Variants in KDM2B observed in about 807,000 individuals in gnomAD.
KDM2B encodes lysine demethylase 2B, also known as lysine-specific demethylase 2B.
In KDM2B, 26 loss-of-function variants were observed where a neutral mutation model predicts 150.0. That is an observed-to-expected ratio of 0.17 (90% CI 0.13 to 0.24). The LOEUF (loss-of-function observed/expected upper bound fraction) is 0.24, where lower values mean the gene tolerates loss of function less well. KDM2B is among the 10% of genes least tolerant of loss of function. The pLI, the probability that KDM2B is intolerant of heterozygous loss-of-function variation, is 1.00. For synonymous variants in KDM2B, 734 were observed against 729.5 expected, an observed-to-expected ratio of 1.01 and a Z score of -0.10; for missense variants, 1,265 against 1,816.9, an observed-to-expected ratio of 0.70 and a Z score of 5.52.
Position 121,509,793 on chromosome 12 carries a change from G to A in KDM2B, c.1421C>T (p.Ser474Phe), listed in dbSNP as rs782721730. ...CTTCACACTTTCCTCCGACTCATTA[G>A]ACAAAGTCCTTTTGAGGAATCGCAG... ...PALRFLKRTL[S>F]NESEESVKST... Residue 474 changes from serine to phenylalanine, a missense_variant, in exon 11 of 23, where the codon TCT becomes TTT. Physicochemically the swap from Ser to Phe is radical, Grantham distance 155. Coordinates refer to ENST00000377071, the MANE Select transcript of KDM2B (RefSeq NM_032590.5). 1 of 1,614,128 alleles carries A rather than the reference G, an allele frequency of 6.2e-7. No individual in the cohort carries two copies. The highest frequency in any genetic ancestry group is 1.3e-5 in the African/African-American group (1 of 75,050).
At chr12:121,417,945 G>A in the KDM2B span, 20 of 1,597,294 alleles carry the variant, frequency 1.3e-5, no homozygotes, top group Middle Eastern at 1.7e-4. This position sits in a 1 kb window ranked among gnomAD's most constrained non-coding sequence, Gnocchi z 5.0. Context: ...CCCAGGGCCC[G>A]GCACGCTTAT....
At chr12:121,478,359 T>TC (rs1157664941) in intron 12 of KDM2B, among the ~76,000 whole-genome samples, 1 of 106,314 alleles carries the variant, frequency 9.4e-6, no homozygotes, top group Non-Finnish European at 1.8e-5. Context: ...CTCAAGTAGA[T>TC]CCTTTTTTTT....
the KDM2B span, chr12:121,420,045 G>A: frequency 4.0e-6 from 2 of 501,438 alleles, no homozygotes; most frequent in East Asian, 3.4e-5. Context: ...TGTGTTTTGA[G>A]CTAACTTTAT....
intron 11 of KDM2B, 130 bp from the exon 12 acceptor site, chr12:121,494,795 C>T: frequency 1.6e-6 from 1 of 613,956 alleles, no homozygotes; most frequent in Non-Finnish European, 2.8e-6. Context: ...ACTCCACCAC[C>T]ACCCACACAT....
intron 11 of KDM2B, among the ~76,000 whole-genome samples, chr12:121,508,505 T>C (rs1885294762): frequency 6.6e-6 from 1 of 152,154 alleles, no homozygotes; most frequent in South Asian, 2.1e-4. Context: ...AGAAGAAACT[T>C]AAATTCAGTT....
chr12:121,448,127 T>C (rs1555290747), intron 13 of KDM2B, among the ~76,000 whole-genome samples: 2 of 151,962 alleles, frequency 1.3e-5, no homozygotes, highest in African/African-American at 4.8e-5. Context: ...GAGACTAGCC[T>C]GGGCAACGTG....
intron 12 of KDM2B, among the ~76,000 whole-genome samples, chr12:121,489,106 C>A (rs533565287): frequency 4.2e-4 from 64 of 151,968 alleles, no homozygotes; most frequent in African/African-American, 1.4e-3. Flanking sequence ...CCATGCCTGG[C>A]CTCTTTTTTG....
At chr12:121,565,593 A>C (rs114126972) in intron 4 of KDM2B, among the ~76,000 whole-genome samples, 3,180 of 151,764 alleles carry the variant, frequency 0.021, 118 homozygotes, top group African/African-American at 0.073. Context: ...CTAGAATTAA[A>C]ACGCGCGGGC....
chr12:121,574,719 G>GA (rs2136574104), intron 3 of KDM2B, 126 bp from the exon 4 acceptor site: 1 of 811,484 alleles, frequency 1.2e-6, no homozygotes, highest in Non-Finnish European at 2.0e-6. Context: ...AACTCAAAAT[G>GA]AGAACATCCA....
intron 13 of KDM2B, among the ~76,000 whole-genome samples, chr12:121,449,324 A>G (rs1480217770): frequency 6.6e-6 from 1 of 152,058 alleles, no homozygotes; most frequent in Non-Finnish European, 1.5e-5. Flanking sequence ...GAAAAGGAAG[A>G]TAGGTGGGGC....
chr12:121,542,152 A>G (rs1425660351), intron 6 of KDM2B, among the ~76,000 whole-genome samples: 1 of 152,180 alleles, frequency 6.6e-6, no homozygotes, highest in Admixed American at 6.5e-5. Flanking sequence ...ACCATTCACT[A>G]TGGGGAACCC....
chr12:121,551,319 C>T (rs1460032207), intron 4 of KDM2B, among the ~76,000 whole-genome samples: 1 of 151,146 alleles, frequency 6.6e-6, no homozygotes, highest in Non-Finnish European at 1.5e-5. Context: ...TGAGACCAGC[C>T]TGGGGAACAC....
chr12:121,495,440 C>T (rs1034867478), intron 11 of KDM2B, among the ~76,000 whole-genome samples: 4 of 152,170 alleles, frequency 2.6e-5, no homozygotes, highest in Admixed American at 6.5e-5. Context: ...GGATTACAGG[C>T]GTGAGCCAAC....
intron 12 of KDM2B, among the ~76,000 whole-genome samples, chr12:121,472,862 G>A (rs1293367175): frequency 6.6e-6 from 1 of 152,152 alleles, no homozygotes; most frequent in African/African-American, 2.4e-5. Context: ...AAAAACATGA[G>A]AAGCTAAATA....
Position 121,509,013 on chromosome 12 carries a change from G to A in KDM2B, c.1647+554C>T, listed in dbSNP as rs1445132134. 2.0e-5 allele frequency among the ~76,000 whole-genome samples: 3 copies of A among 152,144 alleles called. 1 individual carries two copies. Among genetic ancestry groups the A allele is most frequent in the African/African-American group, 7.2e-5 (3 of 41,432 alleles). ...TCAGGTTTCCAATAAGTGCTGAGAA[G>A]AAAACTCGTCAGCCACAGAGTGAGG... On this transcript the variant is annotated intron_variant, in intron 11 of 22. Coordinates refer to ENST00000377071, the MANE Select transcript of KDM2B (RefSeq NM_032590.5).
intron 11 of KDM2B, among the ~76,000 whole-genome samples, chr12:121,505,259 C>G (rs1884963616): frequency 6.7e-6 from 1 of 150,068 alleles, no homozygotes; most frequent in Non-Finnish European, 1.5e-5. Flanking sequence ...GCACTCCAGC[C>G]TGGGCAACAG....
chr12:121,505,990 G>A (rs781917025), intron 11 of KDM2B, among the ~76,000 whole-genome samples: 2 of 151,890 alleles, frequency 1.3e-5, no homozygotes, highest in Non-Finnish European at 2.9e-5. Context: ...TCAGTCCTGG[G>A]TTCAAAATCG....
At chr12:121,510,626 C>G (rs140413515) in intron 10 of KDM2B, among the ~76,000 whole-genome samples, 2,337 of 152,046 alleles carry the variant, frequency 0.015, 55 homozygotes, top group African/African-American at 0.054. Context: ...AACCCCATCT[C>G]TACAAAAAAT....
chr12:121,492,152 CTG>C (rs1384830033), intron 12 of KDM2B, among the ~76,000 whole-genome samples: 1 of 152,040 alleles, frequency 6.6e-6, no homozygotes, highest in Non-Finnish European at 1.5e-5. Context: ...AGTTAAGACT[CTG>C]TGTAAATAAA....
Sources: gnomAD v4.1 joint callset for allele counts (sites outside exome capture counted in the v4.1 genomes callset) on GRCh38, gnomAD v4.1.1 for gene constraint, Gnocchi (gnomAD v3.1) non-coding constraint, MANE v1.5 for transcripts, NCBI Gene and HGNC (gene_info 2026-07-23, HGNC 2026-07-21) for gene names.